Variants in ZNF676 observed in about 807,000 individuals in gnomAD.
The protein encoded by ZNF676 is zinc finger protein 676.
In ZNF676, 4 loss-of-function variants were observed where a neutral mutation model predicts 6.0. The observed-to-expected ratio is 0.67, with a 90% CI of 0.33 to 1.53. The LOEUF (loss-of-function observed/expected upper bound fraction) is 1.53, where lower values mean the gene tolerates loss of function less well. Among genes scored for constraint, ZNF676 ranks in the 40% most tolerant of loss-of-function variants. The probability of loss-of-function intolerance (pLI) is 0.06; values close to 1 mark genes in which losing one functional copy is unlikely to be tolerated. For synonymous variants in ZNF676, 198 were observed against 223.1 expected, an observed-to-expected ratio of 0.89 and a Z score of 1.00; for missense variants, 644 against 679.7, an observed-to-expected ratio of 0.95 and a Z score of 0.58.
the ZNF676 span, among the ~76,000 whole-genome samples, chr19:22,237,561 CAG>C: frequency 6.6e-6 from 1 of 152,120 alleles, no homozygotes; most frequent in African/African-American, 2.4e-5. Flanking sequence ...TAGAAGCAAA[CAG>C]GGGTGTTGAG....
chr19:22,207,157 C>T (rs1447465068), intron 1 of ZNF676, among the ~76,000 whole-genome samples: 1 of 152,112 alleles, frequency 6.6e-6, no homozygotes. Flanking sequence ...TCAAACTATC[C>T]CTATTTGCAA....
chr19:22,196,490 G>T lies in ZNF676; in HGVS notation c.34+110C>A, dbSNP rs528263588. Reference sequence around the variant, plus strand: ...CCCCTTCTTCCAAATATACTCTTTTGTCTTTGTCTGTATTCTCGCATTCAT... The same window carrying T: ...CCCCTTCTTCCAAATATACTCTTTTTTCTTTGTCTGTATTCTCGCATTCAT... On this transcript the variant is annotated intron_variant, in intron 1 of 2. Transcript: ENST00000397121. The T allele has an allele frequency of 1.3e-5, 20 of 1,590,650 alleles. No individual in the cohort carries two copies. In the South Asian group the frequency reaches 1.8e-4, roughly 14 times the overall value.
the ZNF676 span, among the ~76,000 whole-genome samples, chr19:22,236,903 G>A: frequency 1.3e-5 from 2 of 152,148 alleles, no homozygotes; most frequent in African/African-American, 4.8e-5. Context: ...TGCCTTTGAT[G>A]GTTGAGTGCC....
At chr19:22,232,410 C>T in the ZNF676 span, among the ~76,000 whole-genome samples, 1 of 152,174 alleles carries the variant, frequency 6.6e-6, no homozygotes, top group African/African-American at 2.4e-5. Context: ...TTGTGATCTG[C>T]CTGCCTTGTC....
chr19:22,182,021 C>T (rs2023762773), intron 2 of ZNF676, among the ~76,000 whole-genome samples: 1 of 151,614 alleles, frequency 6.6e-6, no homozygotes, highest in Non-Finnish European at 1.5e-5. Context: ...TTCTGTCTCT[C>T]ATGACATAAA....
chr19:22,182,593 A>AAAAAAAC (rs1555773385), intron 2 of ZNF676, among the ~76,000 whole-genome samples: 1 of 90,930 alleles, frequency 1.1e-5, no homozygotes, highest in Non-Finnish European at 2.1e-5. Context: ...TCTAAAAAAA[A>AAAAAAAC]AAAAAAAAAG....
the ZNF676 span, among the ~76,000 whole-genome samples, chr19:22,231,377 G>A: frequency 6.6e-6 from 1 of 151,736 alleles, no homozygotes; most frequent in African/African-American, 2.4e-5. Context: ...GTTTCAGAAA[G>A]TTATTTAAAC....
chr19:22,199,974 C>T (rs539730639), upstream of ZNF676, among the ~76,000 whole-genome samples: 11 of 152,120 alleles, frequency 7.2e-5, no homozygotes, highest in Admixed American at 5.9e-4. Context: ...ACTCTGATCT[C>T]TTCTAATCAG....
chr19:22,231,681 C>G, the ZNF676 span, among the ~76,000 whole-genome samples: 1 of 150,566 alleles, frequency 6.6e-6, no homozygotes, highest in African/African-American at 2.5e-5. Flanking sequence ...TGGCTCACTG[C>G]AACCTCTGCC....
chr19:22,230,158 C>A, the ZNF676 span, among the ~76,000 whole-genome samples: 1 of 152,170 alleles, frequency 6.6e-6, no homozygotes, highest in African/African-American at 2.4e-5. Flanking sequence ...CCACGGAATA[C>A]TATGCAGCCA....
the ZNF676 span, among the ~76,000 whole-genome samples, chr19:22,235,812 G>A: frequency 1.3e-5 from 2 of 152,158 alleles, no homozygotes; most frequent in South Asian, 2.1e-4. Flanking sequence ...GTGTATTGCT[G>A]GCCTTGCCAG....
chr19:22,221,051 T>C, the ZNF676 span, among the ~76,000 whole-genome samples: 2 of 152,124 alleles, frequency 1.3e-5, no homozygotes, highest in Non-Finnish European at 2.9e-5. Flanking sequence ...TTATATTTTT[T>C]AAAATTTCAA....
chr19:22,213,467 A>C (rs73930542), intron 1 of ZNF676, among the ~76,000 whole-genome samples: 6,112 of 152,262 alleles, frequency 0.04, 404 homozygotes, highest in African/African-American at 0.14. Context: ...TTCCAAAAAA[A>C]CAGGGCACCA....
upstream of ZNF676, among the ~76,000 whole-genome samples, chr19:22,199,722 A>G (rs139116277): frequency 1.0e-3 from 152 of 152,316 alleles, no homozygotes; most frequent in East Asian, 6.7e-3. Context: ...TTGTGTTTAT[A>G]TTTACTTTCT....
intron 1 of ZNF676, among the ~76,000 whole-genome samples, chr19:22,212,321 T>A (rs2024137204): frequency 6.6e-6 from 1 of 152,162 alleles, no homozygotes; most frequent in Admixed American, 6.5e-5. Flanking sequence ...AATTAGATAT[T>A]ATTTTTTGAT....
At chr19:22,254,465 C>A in the ZNF676 span, among the ~76,000 whole-genome samples, 1 of 152,112 alleles carries the variant, frequency 6.6e-6, no homozygotes, top group Non-Finnish European at 1.5e-5. Context: ...AGGAATGATG[C>A]CCAGCTATAT....
intron 1 of ZNF676, among the ~76,000 whole-genome samples, chr19:22,207,354 AAAG>A (rs1190603579): frequency 6.6e-6 from 1 of 152,258 alleles, no homozygotes; most frequent in Non-Finnish European, 1.5e-5. Flanking sequence ...CTGCCACAGA[AAAG>A]AATAACATAT....
intron 1 of ZNF676, among the ~76,000 whole-genome samples, chr19:22,193,399 G>C (rs1877621318): frequency 6.6e-6 from 1 of 152,128 alleles, no homozygotes; most frequent in African/African-American, 2.4e-5. Flanking sequence ...AACTGGAACA[G>C]AGTAGGAGAT....
chr19:22,250,718 T>TG, the ZNF676 span, among the ~76,000 whole-genome samples: 1 of 151,364 alleles, frequency 6.6e-6, no homozygotes, highest in African/African-American at 2.4e-5. Flanking sequence ...GTCATTTCTT[T>TG]TTTTTTTTTT....
Sources: gnomAD v4.1 joint callset for allele counts (sites outside exome capture counted in the v4.1 genomes callset) on GRCh38, gnomAD v4.1.1 for gene constraint, MANE v1.5 for transcripts, NCBI Gene and HGNC (gene_info 2026-07-23, HGNC 2026-07-21) for gene names.